TOPAZ1: variants seen among roughly 807,000 people sequenced by gnomAD.
The protein encoded by TOPAZ1 is testis and ovary specific TOPAZ 1, also known as protein TOPAZ1.
In TOPAZ1, 66 loss-of-function variants were observed where a neutral mutation model predicts 172.2. The observed-to-expected ratio is 0.38, with a 90% CI of 0.31 to 0.47. The LOEUF (loss-of-function observed/expected upper bound fraction) is 0.47, where lower values mean the gene tolerates loss of function less well. TOPAZ1 is among the 20% of genes least tolerant of loss of function. The probability of loss-of-function intolerance (pLI) is 0.99; values close to 1 mark genes in which losing one functional copy is unlikely to be tolerated. For missense variants in TOPAZ1, 1,822 were observed against 1,972.4 expected (o/e 0.92, Z 1.44); for synonymous variants, 681 against 683.9 (o/e 1.00, Z 0.07).
intron 16 of TOPAZ1, among the ~76,000 whole-genome samples, chr3:44,312,859 T>C (rs1700410657): frequency 6.6e-6 from 1 of 152,234 alleles, no homozygotes; most frequent in South Asian, 2.1e-4. Context: ...TTATTGCCTT[T>C]GTATAAGTAA....
chr3:44,309,322 A>AACTT (rs1700370803), intron 15 of TOPAZ1, among the ~76,000 whole-genome samples: 1 of 151,944 alleles, frequency 6.6e-6, no homozygotes, highest in South Asian at 2.1e-4. Context: ...GTTTCACCAC[A>AACTT]CTCCCCAGGC....
At chr3:44,269,328 A>C in intron 7 of TOPAZ1, 27 bp downstream of exon 7, 8 of 1,369,472 alleles carry the variant, frequency 5.8e-6, no homozygotes, top group Non-Finnish European at 7.1e-6. Flanking sequence ...AAATAATAAT[A>C]ATCTGTCTCT....
At chr3:44,271,809 A>G (rs1195338117) in intron 8 of TOPAZ1, among the ~76,000 whole-genome samples, 2 of 152,118 alleles carry the variant, frequency 1.3e-5, no homozygotes, top group African/African-American at 2.4e-5. Context: ...ATTATTTGCC[A>G]TAGTCACCAC....
rs1699527269 is a variant in TOPAZ1, at chr3:44,244,083, G to T, written c.1577G>T (p.Cys526Phe). 1.3e-6 allele frequency: 2 copies of T among 1,551,598 alleles called. No homozygotes were observed. The highest frequency in any genetic ancestry group is 2.7e-5 in the African/African-American group (2 of 73,054). ...SYFLRGSQESCRQVDVPKHQT... is the reference protein window; with the variant it reads ...SYFLRGSQESFRQVDVPKHQT... ...TTTCTTCGTGGGTCTCAGGAAAGTT[G>T]TAGGCAAGTTGATGTCCCTAAACAC... The change falls in exon 2 of 20, where the codon TGT (cysteine) becomes TTT (phenylalanine). Residue 526 changes from cysteine to phenylalanine, a missense_variant. Physicochemically the swap from Cys to Phe is radical, Grantham distance 205. Around this residue, in one of 2 missense-constraint regions of TOPAZ1, gnomAD observed 1,489 missense variants for 1,490.8 expected, o/e 1.00. Transcript: ENST00000309765.
chr3:44,277,896 T>C (rs1699980431), intron 8 of TOPAZ1, among the ~76,000 whole-genome samples: 1 of 152,192 alleles, frequency 6.6e-6, no homozygotes, highest in Non-Finnish European at 1.5e-5. Flanking sequence ...CCCTAGAAGC[T>C]GAGCAGATGC....
chr3:44,259,876 T>C (rs1263929649), intron 4 of TOPAZ1, among the ~76,000 whole-genome samples: 1 of 152,218 alleles, frequency 6.6e-6, no homozygotes, highest in Non-Finnish European at 1.5e-5. Flanking sequence ...GCTGTGTATG[T>C]CCTGATATGG....
intron 8 of TOPAZ1, among the ~76,000 whole-genome samples, chr3:44,275,373 G>T (rs1251819727): frequency 6.6e-6 from 1 of 151,780 alleles, no homozygotes; most frequent in Non-Finnish European, 1.5e-5. Context: ...ATTCTTCCCA[G>T]CCTCTGTTTC....
At chr3:44,242,524 G>A (rs1575701459) in intron 1 of TOPAZ1, 125 bp downstream of exon 1, 2 of 1,077,538 alleles carry the variant, frequency 1.9e-6, no homozygotes, top group Non-Finnish European at 1.3e-6. Flanking sequence ...TTGACCAGGA[G>A]ATGGGAAAAA....
In TOPAZ1 at chr3:44,313,496, A is replaced by G. The variant is rs572132959; in HGVS notation, c.4306+3506A>G. ...GCCGGGCATGGTGGCGGACACCTGT[A>G]GTCCCAGCTACTCTGGAGGCTGAGA... On this transcript the variant is annotated intron_variant, in intron 16 of 19. Coordinates refer to ENST00000309765, the MANE Select transcript of TOPAZ1 (RefSeq NM_001145030.2). Among the ~76,000 whole-genome samples, 20 of 151,860 alleles carry G rather than the reference A, an allele frequency of 1.3e-4. No individual in the cohort carries two copies. In the South Asian group the frequency reaches 4.2e-3, roughly 32 times the overall value.
chr3:44,280,531 A>G (rs1214988284), intron 8 of TOPAZ1, among the ~76,000 whole-genome samples: 1 of 151,746 alleles, frequency 6.6e-6, no homozygotes, highest in African/African-American at 2.4e-5. Flanking sequence ...TATTTTTAGT[A>G]GAGTTGAGAT....
At chr3:44,269,471 C>CTTTTTTTTTTTTTTTTTTTTTTTTGTTTT (rs1699870238) in intron 7 of TOPAZ1, among the ~76,000 whole-genome samples, 170 bp downstream of exon 7, 1 of 33,916 alleles carries the variant, frequency 2.9e-5, no homozygotes, top group Non-Finnish European at 4.8e-5. Flanking sequence ...TCCCTATCAT[C>CTTTTTTTTTTTTTTTTTTTTTTTTGTTTT]TTTTTTTTTT....
In TOPAZ1 at chr3:44,264,896, G is replaced by A. The variant is rs193142357; in HGVS notation, c.3021-2101G>A. On this transcript the variant is annotated intron_variant, in intron 5 of 19. Coordinates refer to ENST00000309765, the MANE Select transcript of TOPAZ1 (RefSeq NM_001145030.2). ...ATTCAAGTTTTATCATGAGATTGCA[G>A]CAATTCAGTTACAACTTTAGGCTCC... is the stretch of plus-strand genomic sequence containing the variant. Among the ~76,000 whole-genome samples the A allele has an allele frequency of 1.3e-3, 202 of 152,294 alleles. 4 individuals carry two copies. The highest frequency in any genetic ancestry group is 0.013 in the Admixed American group (196 of 15,294).
rs1345848744 is a variant in TOPAZ1 at position 44,243,506 on chromosome 3, A to G, written c.1000A>G (p.Met334Val). 2 of 1,551,626 alleles carry G rather than the reference A, an allele frequency of 1.3e-6. No homozygotes were observed. Among genetic ancestry groups the G allele is most frequent in the African/African-American group, 2.7e-5 (2 of 73,058 alleles). Residue 334 changes from methionine (M) to valine (V), a missense_variant, in exon 2 of 20, where the codon ATG (methionine) becomes GTG (valine). By Grantham distance (21) the Met-to-Val change is conservative (BLOSUM62 1). Around this residue, in one of 2 missense-constraint regions of TOPAZ1, gnomAD observed 1,489 missense variants for 1,490.8 expected, o/e 1.00. Transcript: ENST00000309765. ...TGTTGGGCGAAAACCCAGGAAAAGG[A>G]TGAAGTTGTCTGAAAAAGCAGATGA... ...SSVGRKPRKR[M>V]KLSEKADETV... is the part of the protein sequence containing the mutation.
chr3:44,259,344 C>T (rs1565207), intron 4 of TOPAZ1, among the ~76,000 whole-genome samples: 53,252 of 151,950 alleles, frequency 0.35, 10,186 homozygotes, highest in African/African-American at 0.46. Context: ...AGAGTTACCC[C>T]AATAGGAGAT....
intron 12 of TOPAZ1, among the ~76,000 whole-genome samples, chr3:44,292,540 G>A (rs553061560): frequency 1.7e-5 from 2 of 117,234 alleles, no homozygotes; most frequent in East Asian, 9.8e-4. Context: ...AGGCTCAAGA[G>A]AATAGCAGTA....
At position 44,331,811 on chromosome 3, in the gene TOPAZ1, C is replaced by T. The variant is rs976780641; in HGVS notation, c.4879C>T (p.Arg1627Trp). The T allele has an allele frequency of 1.3e-5, 20 of 1,551,632 alleles. No homozygotes were observed. Among genetic ancestry groups the T allele is most frequent in the Non-Finnish European group, 1.6e-5 (18 of 1,146,926 alleles). ...TTATAGGTGTGAAGACAACCAGTCT[C>T]GGAGCAATGATGATTATCAAGCTGC... ...VLKRCEDNQS[R>W]SNDDYQAAVE... Residue 1627 changes from arginine (R) to tryptophan (W), a missense_variant, in exon 20 of 20, where the codon CGG becomes TGG. Transcript: ENST00000309765.
intron 12 of TOPAZ1, among the ~76,000 whole-genome samples, chr3:44,298,218 C>T (rs887365163): frequency 2.0e-5 from 3 of 152,160 alleles, no homozygotes; most frequent in African/African-American, 7.2e-5. Context: ...AATCACAATA[C>T]TTTGGGAGGG....
At position 44,242,151 on chromosome 3, in the gene TOPAZ1, C is replaced by T. The variant is rs1699485613; in HGVS notation, c.98C>T (p.Ala33Val). 8 of 1,547,914 alleles carry T rather than the reference C, an allele frequency of 5.2e-6. No homozygotes were observed. The highest frequency in any genetic ancestry group is 1.8e-4 in the Middle Eastern group (1 of 5,688). ...CGGCAGGCGCCAGGGCCAGGCGCGG[C>T]GGGAGGCTGTGGCCCTGAGGCCGGG... ...QKRQAPGPGAAGGCGPEAGGC... is the reference protein window; with the variant it reads ...QKRQAPGPGAVGGCGPEAGGC... Residue 33 changes from alanine to valine, a missense_variant, in exon 1 of 20, where the codon GCG becomes GTG. Transcript: ENST00000309765.
At position 44,309,963 on chromosome 3, in the gene TOPAZ1, C is replaced by G. The variant is rs1700380107; in HGVS notation, c.4279C>G (p.Leu1427Val). 19 of 1,550,236 alleles carry G rather than the reference C, an allele frequency of 1.2e-5. No individual in the cohort carries two copies. Among genetic ancestry groups the G allele is most frequent in the Middle Eastern group, 1.7e-4 (1 of 6,004 alleles). Residue 1427 changes from leucine to valine, a missense_variant, in exon 16 of 20, where the codon CTA (leucine) becomes GTA (valine). This residue lies in a region of TOPAZ1 where 333 missense variants were observed against 481.7 expected (regional missense o/e 0.69). Transcript: ENST00000309765. ...AGAAATTTTTCTAAAAAGTGGAAGCCTAGATGGTGCCATTTGGGTAATGAG... is the reference window on the plus strand; with the variant it reads ...AGAAATTTTTCTAAAAAGTGGAAGCGTAGATGGTGCCATTTGGGTAATGAG... The part of the protein sequence containing the change: ...AAEIFLKSGS[L>V]DGAIWVMRES...
Sources: gnomAD v4.1 joint callset for allele counts (sites outside exome capture counted in the v4.1 genomes callset) on GRCh38, gnomAD v4.1.1 for gene constraint, gnomAD v4.1.1 regional missense constraint, MANE v1.5 for transcripts, NCBI Gene and HGNC (gene_info 2026-07-23, HGNC 2026-07-21) for gene names.